Variants in KDM4C observed in about 807,000 individuals in gnomAD.
KDM4C encodes lysine-specific demethylase 4C.
Under a neutral mutation model 129.3 loss-of-function variants are expected in KDM4C, and 81 were observed. The ratio of observed to expected loss-of-function variants is 0.63; its 90% CI spans 0.52 to 0.75. KDM4C has a LOEUF of 0.75. Among genes scored for constraint, KDM4C ranks in the 30% least tolerant of loss-of-function variants. The pLI is 0.00. For synonymous variants in KDM4C, 573 were observed against 456.1 expected (o/e 1.26, Z -3.26); for missense variants, 1,457 against 1,304.0 (o/e 1.12, Z -1.81).
chr9:6,967,334 A>G (rs911699478), intron 8 of KDM4C, among the ~76,000 whole-genome samples: 1 of 151,766 alleles, frequency 6.6e-6, no homozygotes, highest in Non-Finnish European at 1.5e-5. Context: ...TGAAGCAGGA[A>G]GATCACTTGA....
chr9:6,906,312 G>A (rs1456438010), intron 8 of KDM4C, among the ~76,000 whole-genome samples: 2 of 152,112 alleles, frequency 1.3e-5, no homozygotes, highest in Admixed American at 6.6e-5. Context: ...GGTACTTCTC[G>A]TTTGTGGAAA....
At chr9:6,776,428 A>AT (rs1823055835) in intron 1 of KDM4C, among the ~76,000 whole-genome samples, 1 of 151,644 alleles carries the variant, frequency 6.6e-6, no homozygotes, top group East Asian at 1.9e-4. Context: ...CGACCAGCTA[A>AT]TTTTTTGTAT....
At chr9:7,019,765 ATAATAT>A (rs1824419890) in intron 15 of KDM4C, among the ~76,000 whole-genome samples, 2 of 121,144 alleles carry the variant, frequency 1.7e-5, no homozygotes, top group African/African-American at 6.5e-5. Flanking sequence ...ATATAAAAAT[ATAATAT>A]TTTTATATAT....
chr9:6,772,904 C>T (rs1291472679), intron 1 of KDM4C, among the ~76,000 whole-genome samples: 1 of 150,528 alleles, frequency 6.6e-6, no homozygotes, highest in African/African-American at 2.5e-5. Flanking sequence ...CCATGTTGGC[C>T]AGGCTGGTCC....
intron 8 of KDM4C, chr9:6,978,573 G>C (rs973975598): frequency 6.6e-6 from 1 of 152,060 alleles, no homozygotes; most frequent in Non-Finnish European, 1.5e-5. Flanking sequence ...CTGCATCTGT[G>C]GCTTGTCCTT....
At chr9:6,907,048 G>C (rs1464420624) in intron 8 of KDM4C, among the ~76,000 whole-genome samples, 1 of 152,056 alleles carries the variant, frequency 6.6e-6, no homozygotes, top group Non-Finnish European at 1.5e-5. Flanking sequence ...TTTTACTATT[G>C]TGAAAATATG....
intron 12 of KDM4C, among the ~76,000 whole-genome samples, chr9:7,006,359 C>T (rs563930375): frequency 6.6e-6 from 1 of 152,148 alleles, no homozygotes; most frequent in Non-Finnish European, 1.5e-5. Context: ...ACCTCTCTGA[C>T]TGTTGGGGAA....
chr9:6,734,355 C>T (rs1270786266), intron 1 of KDM4C, among the ~76,000 whole-genome samples: 3 of 137,596 alleles, frequency 2.2e-5, no homozygotes, highest in Non-Finnish European at 3.0e-5. Context: ...AGTGCAATGG[C>T]GTGGTCTCAG....
At chr9:7,147,270 T>C (rs1248088109) in intron 19 of KDM4C, among the ~76,000 whole-genome samples, 1 of 152,166 alleles carries the variant, frequency 6.6e-6, no homozygotes, top group Non-Finnish European at 1.5e-5. Context: ...TGAAGCGTCC[T>C]GGGTAGGTCA....
At chr9:7,038,974 T>C (rs1828108833) in intron 15 of KDM4C, among the ~76,000 whole-genome samples, 1 of 152,012 alleles carries the variant, frequency 6.6e-6, no homozygotes, top group Non-Finnish European at 1.5e-5. Flanking sequence ...TTGATATATG[T>C]ATTGGGAGTA....
chr9:6,790,654 CAAAAAAAA>C (rs1186296239), intron 1 of KDM4C, among the ~76,000 whole-genome samples: 7,373 of 65,546 alleles, frequency 0.11, 310 homozygotes, highest in Non-Finnish European at 0.15. Flanking sequence ...TTAAATTCAG[CAAAAAAAA>C]AAAAAAAAAA....
At position 6,919,273 on chromosome 9, in the gene KDM4C, GTCTC is replaced by G. The variant is rs780125478; in HGVS notation, c.921+26053_921+26056del. Among the ~76,000 whole-genome samples, 195 of 37,164 alleles carry G rather than the reference GTCTC, an allele frequency of 5.2e-3. 2 individuals carry two copies. The highest frequency in any genetic ancestry group is 0.014 in the East Asian group (22 of 1,524). The allele number at this position is 37,164 out of a possible 152,430, so 24.4% of individuals were successfully genotyped here. On this transcript the variant is annotated intron_variant, in intron 8 of 21. Coordinates refer to ENST00000381309, the MANE Select transcript of KDM4C (RefSeq NM_015061.6). ...TTTCTTTCTTTCTTTCTTTCTTTCT[GTCTC>G]TCTCTCTCTCTTTCTTTCTTTCTTT...
intron 8 of KDM4C, among the ~76,000 whole-genome samples, chr9:6,958,903 C>T (rs1829566730): frequency 6.6e-6 from 1 of 152,196 alleles, no homozygotes; most frequent in South Asian, 2.1e-4. Flanking sequence ...CTGCCTTGGC[C>T]TCCCGAAGTG....
intron 1 of KDM4C, among the ~76,000 whole-genome samples, chr9:6,739,736 A>G (rs1817629113): frequency 1.3e-5 from 2 of 151,898 alleles, no homozygotes; most frequent in South Asian, 2.1e-4. Flanking sequence ...GTGGCTCACA[A>G]TTGTAATCCC....
At chr9:6,864,323 C>G (rs1355142495) in intron 5 of KDM4C, among the ~76,000 whole-genome samples, 1 of 152,198 alleles carries the variant, frequency 6.6e-6, no homozygotes, top group Non-Finnish European at 1.5e-5. Context: ...AAAATGCCAT[C>G]TCACTACTTC....
chr9:7,017,770 C>A (rs1182128638), intron 15 of KDM4C, among the ~76,000 whole-genome samples: 1 of 152,154 alleles, frequency 6.6e-6, no homozygotes, highest in Non-Finnish European at 1.5e-5. Flanking sequence ...GAGAATTACA[C>A]TTCCTTGCAA....
rs1036209116 is a variant in KDM4C at position 6,779,068 on chromosome 9, G to A, written c.-17-13904G>A. On this transcript the variant is annotated intron_variant, in intron 1 of 21. Transcript: ENST00000381309. ...TTTTGAGATGGAGTCTCGCTCTGTC[G>A]CCCAGGCTGGAGTGCAGTGGCGTGA... 1.3e-4 allele frequency among the ~76,000 whole-genome samples: 17 copies of A among 132,966 alleles called. No individual in the cohort carries two copies. In the South Asian group the frequency reaches 4.0e-3, roughly 31 times the overall value. 87.2% of individuals were successfully genotyped at this position (132,966 alleles called of 152,430 possible). A position where few individuals can be genotyped will look rare whatever the true frequency, so the allele number is the denominator to read the frequency against.
At chr9:7,052,949 G>T (rs1006000036) in intron 17 of KDM4C, among the ~76,000 whole-genome samples, 24 of 92,040 alleles carry the variant, frequency 2.6e-4, no homozygotes, top group African/African-American at 1.1e-3. Context: ...AGTACTGCTC[G>T]TGATGCATTC....
intron 17 of KDM4C, among the ~76,000 whole-genome samples, chr9:7,088,223 G>A (rs1835374647): frequency 6.6e-6 from 1 of 152,160 alleles, no homozygotes; most frequent in African/African-American, 2.4e-5. Flanking sequence ...CCTTAAAGTG[G>A]GCAGGAGCCA....
Sources: allele counts gnomAD v4.1 joint callset (sites outside exome capture counted in the v4.1 genomes callset), GRCh38; gene constraint gnomAD v4.1.1; transcripts MANE v1.5; gene names NCBI Gene and HGNC (gene_info 2026-07-23, HGNC 2026-07-21).